NXPE2: variants seen among roughly 807,000 people sequenced by gnomAD.
NXPE2 encodes neurexophilin and PC-esterase domain family member 2.
A neutral mutation model predicts 34.4 loss-of-function variants in NXPE2; 34 were observed. The ratio of observed to expected loss-of-function variants is 0.99; its 90% confidence interval spans 0.75 to 1.31. The LOEUF (loss-of-function observed/expected upper bound fraction) is 1.31, where lower values mean the gene tolerates loss of function less well. Among genes scored for constraint, NXPE2 ranks in the 40% most tolerant of loss-of-function variants. The pLI is 0.00. For synonymous variants in NXPE2, 235 were observed against 231.3 expected (o/e 1.02, Z -0.15); for missense variants, 649 against 672.5 (o/e 0.97, Z 0.39).
At chr11:114,522,480 C>T in the NXPE2 span, 5 of 1,601,070 alleles carry the variant, frequency 3.1e-6, no homozygotes, top group Non-Finnish European at 4.3e-6. Flanking sequence ...ATTCCAGTTT[C>T]ATGAAGATCA....
the NXPE2 span, among the ~76,000 whole-genome samples, chr11:114,538,761 G>A: frequency 0.22 from 33,860 of 151,260 alleles, 5,239 homozygotes; most frequent in African/African-American, 0.44. Flanking sequence ...TTAGAATGGC[G>A]ATCATTAAAA....
the NXPE2 span, among the ~76,000 whole-genome samples, chr11:114,616,682 G>C: frequency 1.3e-5 from 2 of 151,616 alleles, no homozygotes; most frequent in African/African-American, 2.4e-5. Flanking sequence ...TGGATAATAC[G>C]TGTTGCCTCG....
the NXPE2 span, among the ~76,000 whole-genome samples, chr11:114,630,275 C>T: frequency 6.6e-6 from 1 of 151,790 alleles, no homozygotes; most frequent in Non-Finnish European, 1.5e-5. Flanking sequence ...TCAAACTATA[C>T]TAAAAGGCTA....
At chr11:114,754,610 G>A in the NXPE2 span, among the ~76,000 whole-genome samples, 1 of 152,240 alleles carries the variant, frequency 6.6e-6, no homozygotes, top group Non-Finnish European at 1.5e-5. Flanking sequence ...AGAAGGCTGT[G>A]TTAGAGAAGG....
intron 2 of NXPE2, among the ~76,000 whole-genome samples, chr11:114,695,052 A>C (rs189622285): frequency 2.6e-5 from 4 of 152,226 alleles, no homozygotes; most frequent in African/African-American, 9.6e-5. Context: ...GAACTGAGAT[A>C]GGCCTTTAGT....
the NXPE2 span, among the ~76,000 whole-genome samples, chr11:114,809,771 T>G: frequency 1.9e-5 from 2 of 103,718 alleles, no homozygotes; most frequent in African/African-American, 7.0e-5. Context: ...CTGCCCAAGG[T>G]AATTTATAGA....
the NXPE2 span, among the ~76,000 whole-genome samples, chr11:114,479,360 AGG>A: frequency 2.0e-5 from 3 of 152,204 alleles, no homozygotes; most frequent in African/African-American, 7.2e-5. Flanking sequence ...GCAAAGAATA[AGG>A]GTAGCTTGGA....
At chr11:114,522,168 C>T in the NXPE2 span, 1 of 1,614,020 alleles carries the variant, frequency 6.2e-7, no homozygotes, top group Non-Finnish European at 8.5e-7. Context: ...ATGTGCATCT[C>T]CCTGATGTTT....
the NXPE2 span, chr11:114,581,636 C>A: frequency 9.2e-7 from 1 of 1,084,390 alleles, no homozygotes; most frequent in African/African-American, 1.6e-5. Flanking sequence ...GCTGATAGGA[C>A]TGAAACAGTG....
chr11:114,464,380 T>C, the NXPE2 span, among the ~76,000 whole-genome samples: 38,597 of 152,094 alleles, frequency 0.25, 5,026 homozygotes, highest in East Asian at 0.37. Context: ...ATGAAAATCA[T>C]TACTGACCAT....
the NXPE2 span, among the ~76,000 whole-genome samples, chr11:114,545,034 G>C: frequency 6.6e-6 from 1 of 152,054 alleles, no homozygotes; most frequent in African/African-American, 2.4e-5. Flanking sequence ...CAATTAGAAT[G>C]GCTAAAATTT....
the NXPE2 span, chr11:114,551,072 G>T: frequency 8.2e-7 from 1 of 1,220,616 alleles, no homozygotes; most frequent in Non-Finnish European, 1.2e-6. Context: ...GGCTTACTGT[G>T]TGATCTGCAT....
chr11:114,657,228 A>G, the NXPE2 span, among the ~76,000 whole-genome samples: 5 of 152,234 alleles, frequency 3.3e-5, no homozygotes, highest in South Asian at 2.1e-4. Context: ...TCCTACCTCT[A>G]TCTCTGATTG....
the NXPE2 span, among the ~76,000 whole-genome samples, chr11:114,602,603 TATA>T: frequency 5.0e-5 from 7 of 140,880 alleles, no homozygotes; most frequent in African/African-American, 1.0e-4. Flanking sequence ...CAGATTCATA[TATA>T]ATAATTATCT....
the NXPE2 span, among the ~76,000 whole-genome samples, chr11:114,619,835 C>T: frequency 1.3e-5 from 2 of 151,914 alleles, no homozygotes. Context: ...AGTGTTGCCT[C>T]GTTGGTAACC....
At chr11:114,565,267 C>T in the NXPE2 span, among the ~76,000 whole-genome samples, 8 of 152,056 alleles carry the variant, frequency 5.3e-5, no homozygotes, top group Non-Finnish European at 1.0e-4. Context: ...GATATATTCT[C>T]CTAATAGAGA....
intron 2 of NXPE2, among the ~76,000 whole-genome samples, chr11:114,690,545 G>C (rs908450255): frequency 5.3e-5 from 8 of 151,976 alleles, no homozygotes; most frequent in Non-Finnish European, 1.0e-4. Context: ...TTTTTTGTTA[G>C]TCTTGGATAC....
the NXPE2 span, among the ~76,000 whole-genome samples, chr11:114,722,313 CTT>C: frequency 1.2e-4 from 19 of 152,130 alleles, no homozygotes; most frequent in South Asian, 2.1e-4. Context: ...CTCACTCTCT[CTT>C]GGCTGCCACC....
At chr11:114,705,172 T>C (rs773816376) in intron 4 of NXPE2, among the ~76,000 whole-genome samples, 4 of 152,156 alleles carry the variant, frequency 2.6e-5, no homozygotes, top group Admixed American at 6.6e-5. Context: ...TAGAGGAGTG[T>C]TCAGAACAGG....
Sources: allele counts gnomAD v4.1 joint callset (sites outside exome capture counted in the v4.1 genomes callset), GRCh38; gene constraint gnomAD v4.1.1; transcripts MANE v1.5; gene names NCBI Gene and HGNC (gene_info 2026-07-23, HGNC 2026-07-21).